Variants in MARF1 observed in about 807,000 individuals in gnomAD.
MARF1 encodes meiosis regulator and mRNA stability factor 1.
Under a neutral mutation model 168.2 loss-of-function variants are expected in MARF1, and 24 were observed. The observed-to-expected ratio is 0.14, with a 90% CI of 0.10 to 0.20. The LOEUF (loss-of-function observed/expected upper bound fraction) is 0.20. Ranked by LOEUF, MARF1 falls within the 10% of genes least tolerant of loss-of-function variation. The pLI, the probability that MARF1 is intolerant of heterozygous loss-of-function variation, is 1.00. For missense variants in MARF1, 1,744 were observed against 2,143.6 expected (o/e 0.81, Z 3.68); for synonymous variants, 868 against 822.4 (o/e 1.06, Z -0.95).
intron 16 of MARF1, among the ~76,000 whole-genome samples, chr16:15,614,748 G>T (rs1269062229): frequency 6.6e-6 from 1 of 151,498 alleles, no homozygotes; most frequent in Non-Finnish European, 1.5e-5. Flanking sequence ...AGCCAAGATT[G>T]TGCCACTACA....
chr16:15,612,379 T>A (rs1385190961), intron 17 of MARF1, among the ~76,000 whole-genome samples, 178 bp downstream of exon 17: 1 of 152,152 alleles, frequency 6.6e-6, no homozygotes, highest in Non-Finnish European at 1.5e-5. Context: ...ACTAGCAGCG[T>A]TCTGAAAAAT....
At chr16:15,607,646 C>T (rs1033646393) in intron 21 of MARF1, among the ~76,000 whole-genome samples, 1 of 152,216 alleles carries the variant, frequency 6.6e-6, no homozygotes, top group Non-Finnish European at 1.5e-5. Flanking sequence ...AGTAATGGGC[C>T]TGTAACTGAG....
At chr16:15,623,274 C>CTTTTTTTTTTTTTTTTTT (rs71375044) in intron 10 of MARF1, 151 bp from the exon 11 acceptor site, 1 of 114,990 alleles carries the variant, frequency 8.7e-6, no homozygotes, top group Non-Finnish European at 1.5e-5. Context: ...TGTTTTTAAT[C>CTTTTTTTTTTTTTTTTTT]TTTTTTTTTT....
chr16:15,601,584 C>A, intron 23 of MARF1: 1 of 286,596 alleles, frequency 3.5e-6, no homozygotes. Flanking sequence ...ATGCTCTCTC[C>A]CCTCCTTGTC....
intron 4 of MARF1, 125 bp downstream of exon 4, chr16:15,634,632 G>A: frequency 2.4e-6 from 2 of 819,212 alleles, no homozygotes; most frequent in Non-Finnish European, 3.7e-6. Flanking sequence ...ATATGGAATT[G>A]GAGACTCACA....
chr16:15,627,076 G>A (rs1264698737), intron 7 of MARF1, among the ~76,000 whole-genome samples: 2 of 152,110 alleles, frequency 1.3e-5, no homozygotes, highest in African/African-American at 4.8e-5. Flanking sequence ...AACTGGCCAG[G>A]CATGGTGGCT....
At chr16:15,606,347 C>T (rs937677615) in intron 21 of MARF1, among the ~76,000 whole-genome samples, 35 of 152,136 alleles carry the variant, frequency 2.3e-4, no homozygotes, top group African/African-American at 8.5e-4. Flanking sequence ...ACCTTGAATC[C>T]AACCACCTGC....
At chr16:15,601,777 C>T (rs1010660736) in intron 23 of MARF1, 21 of 600,914 alleles carry the variant, frequency 3.5e-5, no homozygotes, top group Middle Eastern at 4.4e-4. Context: ...CTGAAACTTA[C>T]TCACCTGGCA....
chr16:15,639,431 C>T (rs2035804448), intron 1 of MARF1, 140 bp from the exon 2 acceptor site: 8 of 622,690 alleles, frequency 1.3e-5, no homozygotes, highest in South Asian at 8.7e-5. Flanking sequence ...GAGGAAGTCT[C>T]GCTCTGTCGC....
At position 15,599,036 on chromosome 16, in the gene MARF1, A is replaced by G; in HGVS notation, c.4814-12T>C. On this transcript the variant is annotated splice_polypyrimidine_tract_variant and intron_variant, in intron 25 of 26. Coordinates refer to ENST00000396368, the MANE Select transcript of MARF1 (RefSeq NM_014647.4). ...TGTGTGACTGGGCCCTGGGCAAACA[A>G]GGAGGGCCGTGACACCACAGGACCT... 6.2e-7 allele frequency: 1 copy of G among 1,605,178 alleles called. No individual in the cohort carries two copies. The highest frequency in any genetic ancestry group is 8.5e-7 in the Non-Finnish European group (1 of 1,177,166).
intron 1 of MARF1, among the ~76,000 whole-genome samples, chr16:15,641,829 C>A (rs2035990647): frequency 6.6e-6 from 1 of 152,206 alleles, no homozygotes; most frequent in Non-Finnish European, 1.5e-5. Context: ...AAAGTAAAAA[C>A]TTTCAGGTGC....
At chr16:15,609,312 A>C (rs1200111604) in intron 20 of MARF1, among the ~76,000 whole-genome samples, 1 of 152,192 alleles carries the variant, frequency 6.6e-6, no homozygotes, top group Non-Finnish European at 1.5e-5. Context: ...CCCCAAAACA[A>C]GTTTGAATAA....
chr16:15,623,153 T>G, intron 10 of MARF1, 30 bp from the exon 11 acceptor site: 1 of 1,509,816 alleles, frequency 6.6e-7, no homozygotes, highest in East Asian at 2.3e-5. Flanking sequence ...TGACATTATT[T>G]TAAAAAACTG....
chr16:15,602,351 T>A (rs1033203172), intron 22 of MARF1, 148 bp from the exon 23 acceptor site: 2 of 648,222 alleles, frequency 3.1e-6, no homozygotes, highest in Non-Finnish European at 5.4e-6. Flanking sequence ...AAGATGAAGA[T>A]GAAGAAGGAG....
intron 16 of MARF1, among the ~76,000 whole-genome samples, chr16:15,613,214 G>T (rs1056348906): frequency 3.9e-5 from 6 of 152,258 alleles, no homozygotes; most frequent in African/African-American, 1.4e-4. Flanking sequence ...AGCTGAAAAC[G>T]TTACCCAGAA....
In MARF1 at chr16:15,596,943, AAC is replaced by A. The variant is rs749097222; in HGVS notation, c.4985-8_4985-7del. On this transcript the variant is annotated splice_region_variant and splice_polypyrimidine_tract_variant and intron_variant, in intron 26 of 26. Transcript: ENST00000396368. ...TTGGTTTAAAATCATAATTTCTGTA[AAC>A]ACAGAAAAGCAAACAGATTCAGATC... 4.8e-5 allele frequency: 77 copies of A among 1,593,134 alleles called. No individual in the cohort carries two copies. Among genetic ancestry groups the A allele is most frequent in the Non-Finnish European group, 6.4e-5 (75 of 1,165,570 alleles).
chr16:15,630,476 A>G lies in MARF1; in HGVS notation c.1380T>C (p.Ser460=), dbSNP rs1361792186. The G allele has an allele frequency of 1.2e-6, 2 of 1,613,716 alleles. No individual in the cohort carries two copies. The highest frequency in any genetic ancestry group is 8.5e-7 in the Non-Finnish European group (1 of 1,179,846). Residue 460 remains serine (S), a synonymous_variant, in exon 7 of 27, where the codon AGT becomes AGC. Transcript: ENST00000396368. The stretch of plus-strand genomic sequence containing the variant: ...GGAAACCATGCCTGTGTCTCAGGTC[A>G]CTAAGTTCCAATGCAAAATTGACAT... The part of the protein sequence containing the change: ...STDVNFALEL[S]DLRHRHGFHI...
At chr16:15,637,782 A>G (rs759449823) in intron 2 of MARF1, among the ~76,000 whole-genome samples, 2 of 152,234 alleles carry the variant, frequency 1.3e-5, no homozygotes, top group Non-Finnish European at 2.9e-5. Context: ...AAACACTCCT[A>G]AAATGACCCA....
intron 22 of MARF1, among the ~76,000 whole-genome samples, 156 bp downstream of exon 22, chr16:15,604,012 C>T (rs185950709): frequency 6.6e-6 from 1 of 152,280 alleles, no homozygotes; most frequent in Admixed American, 6.5e-5. Flanking sequence ...TTAGGCAGGG[C>T]TGCTTCACTG....
Sources: gnomAD v4.1 joint callset for allele counts (sites outside exome capture counted in the v4.1 genomes callset) on GRCh38, gnomAD v4.1.1 for gene constraint, MANE v1.5 for transcripts, NCBI Gene and HGNC (gene_info 2026-07-23, HGNC 2026-07-21) for gene names.